JARID2: variants seen among roughly 807,000 people sequenced by gnomAD.
The protein encoded by JARID2 is jumonji and AT-rich interaction domain containing 2, also known as protein Jumonji.
Under a neutral mutation model 125.6 loss-of-function variants are expected in JARID2, and 21 were observed. The observed-to-expected ratio is 0.17, with a 90% confidence interval of 0.12 to 0.24. The LOEUF (loss-of-function observed/expected upper bound fraction) is 0.24, where lower values mean the gene tolerates loss of function less well. JARID2 is among the 10% of genes least tolerant of loss of function. The pLI is 1.00. For missense variants in JARID2, 1,303 were observed against 1,639.6 expected (o/e 0.79, Z 3.55); for synonymous variants, 736 against 661.6 (o/e 1.11, Z -1.73).
rs183995477 is a variant in JARID2, at chr6:15,305,096, C to T, written c.45+58512C>T. 1.4e-4 allele frequency among the ~76,000 whole-genome samples: 22 copies of T among 152,312 alleles called. No homozygotes were observed. In the East Asian group the frequency reaches 3.1e-3, roughly 21 times the overall value. On this transcript the variant is annotated intron_variant, in intron 1 of 17. Transcript: ENST00000341776. Reference sequence around the variant, plus strand: ...GGGATTTTTTGGTTGGACAGGGTTTCTTGCCTGCAGTTTCCAGCTGGTAAA... The same window carrying T: ...GGGATTTTTTGGTTGGACAGGGTTTTTTGCCTGCAGTTTCCAGCTGGTAAA...
intron 3 of JARID2, among the ~76,000 whole-genome samples, chr6:15,441,176 A>T (rs1249578397): frequency 6.6e-6 from 1 of 152,194 alleles, no homozygotes; most frequent in African/African-American, 2.4e-5. Context: ...ATCTCTAGCC[A>T]TGTTTCTTGG....
At chr6:15,250,781 A>C (rs187559231) in intron 1 of JARID2, among the ~76,000 whole-genome samples, 53 of 152,288 alleles carry the variant, frequency 3.5e-4, no homozygotes, top group African/African-American at 1.2e-3. Context: ...GCTGGGCTGA[A>C]GGCTATTGAC....
intron 3 of JARID2, among the ~76,000 whole-genome samples, chr6:15,448,661 A>G (rs1767781237): frequency 6.6e-6 from 1 of 152,168 alleles, no homozygotes; most frequent in African/African-American, 2.4e-5. Context: ...TTGTTTTAAA[A>G]CAGTCTGGGA....
At chr6:15,289,804 C>G (rs1761139187) in intron 1 of JARID2, among the ~76,000 whole-genome samples, 2 of 152,070 alleles carry the variant, frequency 1.3e-5, no homozygotes. Flanking sequence ...TGAGATGGTG[C>G]CACTGCACTC....
intron 2 of JARID2, among the ~76,000 whole-genome samples, chr6:15,404,358 T>G (rs1765561491): frequency 6.6e-6 from 1 of 152,220 alleles, no homozygotes; most frequent in African/African-American, 2.4e-5. Context: ...CCTACCCTGC[T>G]TAAAAAGCAA....
chr6:15,348,064 T>G (rs1466969885), intron 1 of JARID2, among the ~76,000 whole-genome samples: 3 of 151,688 alleles, frequency 2.0e-5, no homozygotes, highest in African/African-American at 7.3e-5. Context: ...GTTATTTTAT[T>G]TTTCTTATAA....
At chr6:15,466,247 T>C (rs980747856) in intron 4 of JARID2, among the ~76,000 whole-genome samples, 4 of 152,208 alleles carry the variant, frequency 2.6e-5, no homozygotes, top group African/African-American at 9.6e-5. Context: ...CTCCTGCTTC[T>C]CCTGTTTCCT....
chr6:15,275,524 G>GCC (rs1364021178), intron 1 of JARID2, among the ~76,000 whole-genome samples: 212 of 6,750 alleles, frequency 0.031, 9 homozygotes, highest in African/African-American at 0.04. Context: ...TCCATTTACC[G>GCC]CCCCCCCCGC....
chr6:15,497,727 G>T (rs1198866005), intron 7 of JARID2, among the ~76,000 whole-genome samples: 3 of 152,066 alleles, frequency 2.0e-5, no homozygotes, highest in Non-Finnish European at 4.4e-5. Context: ...CTTCCCCTGG[G>T]CTGTCACCTC....
intron 1 of JARID2, among the ~76,000 whole-genome samples, chr6:15,251,977 C>T (rs965701297): frequency 5.3e-5 from 8 of 151,736 alleles, no homozygotes; most frequent in African/African-American, 9.7e-5. Context: ...ACCTGGGAGG[C>T]GGAGGTTGCA....
intron 3 of JARID2, among the ~76,000 whole-genome samples, chr6:15,444,552 A>G (rs1767584425): frequency 6.6e-6 from 1 of 151,840 alleles, no homozygotes; most frequent in South Asian, 2.1e-4. Context: ...CCAGGTTTGT[A>G]GTGTGTGTGT....
chr6:15,507,435 G>T lies in JARID2; in HGVS notation c.2731+19G>T. On this transcript the variant is annotated intron_variant, in intron 11 of 17. Transcript: ENST00000341776. ...GTGCCTGGTAAGCCTGACTGTGGCC[G>T]CCTGCCTGTGGCAGCTGTGTCCATG... The T allele has an allele frequency of 5.0e-6, 8 of 1,608,312 alleles. No homozygotes were observed. In the South Asian group the frequency reaches 8.8e-5, roughly 18 times the overall value.
chr6:15,513,275 G>A lies in JARID2; in HGVS notation c.3303G>A (p.Glu1101=), dbSNP rs760963362. 1 of 1,585,828 alleles carries A rather than the reference G, an allele frequency of 6.3e-7. No individual in the cohort carries two copies. The highest frequency in any genetic ancestry group is 1.7e-4 in the Middle Eastern group (1 of 5,932). Residue 1101 remains glutamate (E), a synonymous_variant, in exon 16 of 18, where the codon GAG becomes GAA. Coordinates refer to ENST00000341776, the MANE Select transcript of JARID2 (RefSeq NM_004973.4). ...TELRQRRQLF[E]AGLHSSARYG... ...TGCGGCAGCGCAGGCAGCTGTTCGAGGCTGGCCTCCACTCCTCCGCACGCT... is the reference window on the plus strand; with the variant it reads ...TGCGGCAGCGCAGGCAGCTGTTCGAAGCTGGCCTCCACTCCTCCGCACGCT...
chr6:15,456,945 G>A (rs1768208616), intron 4 of JARID2, among the ~76,000 whole-genome samples: 1 of 130,768 alleles, frequency 7.6e-6, no homozygotes, highest in Non-Finnish European at 1.6e-5. Context: ...ATTGGCAGAA[G>A]AAAGGTAAAG....
chr6:15,257,753 GGTTT>G (rs1759721922), intron 1 of JARID2, among the ~76,000 whole-genome samples: 1 of 152,090 alleles, frequency 6.6e-6, no homozygotes, highest in African/African-American at 2.4e-5. Flanking sequence ...CGGGTTGGTT[GGTTT>G]GTTGGCTTTT....
intron 6 of JARID2, among the ~76,000 whole-genome samples, chr6:15,489,016 T>A (rs933032439): frequency 2.6e-5 from 4 of 152,178 alleles, no homozygotes; most frequent in African/African-American, 9.7e-5. Context: ...CCCCCGCTGT[T>A]CCCAATGCTG....
intron 2 of JARID2, among the ~76,000 whole-genome samples, chr6:15,399,382 G>GT (rs1765337421): frequency 6.6e-6 from 1 of 152,192 alleles, no homozygotes; most frequent in South Asian, 2.1e-4. Flanking sequence ...CATCTATGAA[G>GT]TGGGGGAATT....
chr6:15,416,919 T>G (rs942821976), intron 3 of JARID2, among the ~76,000 whole-genome samples: 1 of 152,166 alleles, frequency 6.6e-6, no homozygotes, highest in Non-Finnish European at 1.5e-5. Flanking sequence ...CCAGAATGGA[T>G]GGATTTTGGT....
chr6:15,343,506 G>T (rs1226914931), intron 1 of JARID2, among the ~76,000 whole-genome samples: 1 of 152,172 alleles, frequency 6.6e-6, no homozygotes, highest in African/African-American at 2.4e-5. Flanking sequence ...TTACATTAAA[G>T]AGTTGGATGT....
Sources: allele counts gnomAD v4.1 joint callset (sites outside exome capture counted in the v4.1 genomes callset), GRCh38; gene constraint gnomAD v4.1.1; transcripts MANE v1.5; gene names NCBI Gene and HGNC (gene_info 2026-07-23, HGNC 2026-07-21).